ASTN2: variants seen among roughly 807,000 people sequenced by gnomAD.
ASTN2 encodes astrotactin 2, also known as astrotactin-2.
ASTN2 carries 54 observed loss-of-function variants against 139.8 expected under a neutral mutation model. The observed-to-expected ratio is 0.39, with a 90% CI of 0.31 to 0.48. ASTN2 has a LOEUF of 0.48. Among genes scored for constraint, ASTN2 ranks in the 20% least tolerant of loss-of-function variants. The pLI is 0.95. For missense variants in ASTN2, 1,565 were observed against 1,725.1 expected (o/e 0.91, Z 1.64); for synonymous variants, 756 against 719.5 (o/e 1.05, Z -0.81).
At chr9:117,269,879 T>C (rs888900497) in intron 2 of ASTN2, among the ~76,000 whole-genome samples, 1 of 152,226 alleles carries the variant, frequency 6.6e-6, no homozygotes, top group Non-Finnish European at 1.5e-5. Flanking sequence ...GTTTCACTTT[T>C]GGGGCACATA....
At chr9:116,497,025 A>T (rs1212227361) in intron 19 of ASTN2, among the ~76,000 whole-genome samples, 3 of 152,158 alleles carry the variant, frequency 2.0e-5, no homozygotes, top group Admixed American at 6.5e-5. Flanking sequence ...TTCACCCAGG[A>T]GTGTTATTTC....
intron 16 of ASTN2, among the ~76,000 whole-genome samples, chr9:116,703,890 A>G (rs1827919962): frequency 6.6e-6 from 1 of 152,190 alleles, no homozygotes; most frequent in South Asian, 2.1e-4. Context: ...ACATGAAACA[A>G]CAGATGCCTG....
Position 116,424,479 on chromosome 9 carries a change from C to G in ASTN2, c.*1372G>C, listed in dbSNP as rs1210866575. ...CCAAGCTCCCAGCCTCACCTTTTAA[C>G]ACTTCCTATTTTGATCCCTACTCTT... On this transcript the variant is annotated 3_prime_UTR_variant, in exon 23 of 23. Transcript: ENST00000313400. 6.6e-6 allele frequency among the ~76,000 whole-genome samples: 1 copy of G among 152,180 alleles called. No homozygotes were observed. The highest frequency in any genetic ancestry group is 1.5e-5 in the Non-Finnish European group (1 of 68,028).
At chr9:116,678,521 T>C (rs1367231750) in intron 16 of ASTN2, among the ~76,000 whole-genome samples, 9 of 152,110 alleles carry the variant, frequency 5.9e-5, no homozygotes, top group African/African-American at 2.2e-4. Flanking sequence ...ATACGGCTTT[T>C]GTTAAAAGGA....
chr9:117,369,795 C>T (rs1429971612), intron 1 of ASTN2, among the ~76,000 whole-genome samples: 1 of 152,076 alleles, frequency 6.6e-6, no homozygotes, highest in East Asian at 1.9e-4. Flanking sequence ...TCATTTGGTA[C>T]TTTTCCTGTT....
chr9:116,465,368 C>T (rs898446100), intron 20 of ASTN2, among the ~76,000 whole-genome samples: 4 of 152,188 alleles, frequency 2.6e-5, no homozygotes, highest in Non-Finnish European at 5.9e-5. Context: ...GAGCAACTGG[C>T]TGGCTGGGTA....
chr9:116,657,379 T>C (rs935437954), intron 16 of ASTN2, among the ~76,000 whole-genome samples: 2 of 152,250 alleles, frequency 1.3e-5, no homozygotes, highest in African/African-American at 4.8e-5. Context: ...GTTGTCATAA[T>C]TACATTGCTG....
chr9:116,645,584 CCTCT>C (rs1301596399), intron 17 of ASTN2, among the ~76,000 whole-genome samples: 2 of 152,116 alleles, frequency 1.3e-5, no homozygotes, highest in Admixed American at 6.5e-5. Flanking sequence ...CATGTCATAT[CCTCT>C]CTCTGTTAGT....
chr9:116,774,888 C>T (rs1360971973), intron 13 of ASTN2, among the ~76,000 whole-genome samples: 1 of 152,190 alleles, frequency 6.6e-6, no homozygotes, highest in Non-Finnish European at 1.5e-5. Flanking sequence ...ATGCACCCAT[C>T]TACACACATG....
At chr9:116,904,235 G>T (rs1424856320) in intron 10 of ASTN2, among the ~76,000 whole-genome samples, 1 of 152,184 alleles carries the variant, frequency 6.6e-6, no homozygotes, top group Non-Finnish European at 1.5e-5. Context: ...GCTCTGGGAA[G>T]TGTGTCTCTC....
chr9:116,655,656 A>T (rs1858165576), intron 16 of ASTN2, among the ~76,000 whole-genome samples: 1 of 152,084 alleles, frequency 6.6e-6, no homozygotes, highest in African/African-American at 2.4e-5. Flanking sequence ...TCCTCAGAAA[A>T]GCCTTCCCTG....
intron 12 of ASTN2, among the ~76,000 whole-genome samples, chr9:116,815,308 G>A (rs185840103): frequency 0.011 from 1,740 of 152,236 alleles, 43 homozygotes; most frequent in African/African-American, 0.039. Flanking sequence ...ATATTAGACA[G>A]AGAGGCTATT....
chr9:117,353,687 T>A (rs1209926099), intron 1 of ASTN2, among the ~76,000 whole-genome samples: 1 of 152,084 alleles, frequency 6.6e-6, no homozygotes, highest in African/African-American at 2.4e-5. Context: ...CACCTTTACC[T>A]CCAATCCATC....
intron 2 of ASTN2, among the ~76,000 whole-genome samples, chr9:117,268,459 G>C (rs886395568): frequency 1.3e-5 from 2 of 152,134 alleles, no homozygotes; most frequent in African/African-American, 4.8e-5. Context: ...CCTCCAGGAG[G>C]CTTTCCTTAA....
rs1481416490 is a variant in ASTN2, at chr9:117,060,402, GAAAGAAAGAAGGA to G, written c.1277-20450_1277-20438del. 5.7e-3 allele frequency among the ~76,000 whole-genome samples: 424 copies of G among 74,574 alleles called. 15 individuals are homozygous for G. Among genetic ancestry groups the G allele is most frequent in the African/African-American group, 0.021 (295 of 13,892 alleles). The allele number at this position is 74,574 out of a possible 152,430, so 48.9% of individuals were successfully genotyped here. On this transcript the variant is annotated intron_variant, in intron 5 of 22. Coordinates refer to ENST00000313400, the MANE Select transcript of ASTN2 (RefSeq NM_001365068.1). ...AGAAAGAAAGAAAGAAAGAAAGAAA[GAAAGAAAGAAGGA>G]AAGGAAGGAAGGAAGGAAGAGAGAG...
chr9:116,432,444 G>C (rs1847526616), intron 22 of ASTN2, among the ~76,000 whole-genome samples: 1 of 152,170 alleles, frequency 6.6e-6, no homozygotes, highest in Non-Finnish European at 1.5e-5. Flanking sequence ...TTAGTGTTTA[G>C]ACCTTGCAAC....
chr9:117,282,604 T>C (rs1834351008), intron 2 of ASTN2, among the ~76,000 whole-genome samples: 1 of 151,004 alleles, frequency 6.6e-6, no homozygotes, highest in South Asian at 2.1e-4. Context: ...GGCTCTGGGC[T>C]TGGCCATGTG....
At chr9:117,407,653 G>A (rs1377735855) in intron 1 of ASTN2, among the ~76,000 whole-genome samples, 1 of 152,178 alleles carries the variant, frequency 6.6e-6, no homozygotes, top group Admixed American at 6.5e-5. Context: ...CCATTCAAAA[G>A]GGAGTTCTTT....
chr9:116,653,602 C>A (rs1003283588), intron 16 of ASTN2, among the ~76,000 whole-genome samples: 2 of 152,162 alleles, frequency 1.3e-5, no homozygotes, highest in Non-Finnish European at 2.9e-5. Context: ...TTCAACGAAG[C>A]CTAGTAATGT....
Sources: allele counts gnomAD v4.1 joint callset (sites outside exome capture counted in the v4.1 genomes callset), GRCh38; gene constraint gnomAD v4.1.1; transcripts MANE v1.5; gene names NCBI Gene and HGNC (gene_info 2026-07-23, HGNC 2026-07-21).